The following GFRA2 variants were observed in gnomAD, a reference collection of about 807,000 sequenced individuals.
GFRA2 encodes GDNF family receptor alpha 2.
In GFRA2, 17 loss-of-function variants were observed where a neutral mutation model predicts 48.3. That is an observed-to-expected ratio of 0.35 (90% CI 0.24 to 0.53). The LOEUF is 0.53. Ranked by LOEUF, GFRA2 falls within the 20% of genes least tolerant of loss-of-function variation. The probability of loss-of-function intolerance (pLI) is 0.93; values close to 1 mark genes in which losing one functional copy is unlikely to be tolerated. For missense variants in GFRA2, 660 were observed against 637.3 expected, an observed-to-expected ratio of 1.04 and a Z score of -0.38; for synonymous variants, 305 against 257.2, an observed-to-expected ratio of 1.19 and a Z score of -1.78.
intron 7 of GFRA2, among the ~76,000 whole-genome samples, chr8:21,697,536 A>C (rs927245430): frequency 1.3e-5 from 2 of 151,828 alleles, no homozygotes; most frequent in Non-Finnish European, 2.9e-5. Context: ...TAGTGGCGGG[A>C]GGGGCAGAGA....
chr8:21,699,122 G>A (rs540483618), intron 7 of GFRA2, among the ~76,000 whole-genome samples: 1 of 152,322 alleles, frequency 6.6e-6, no homozygotes, highest in African/African-American at 2.4e-5. Context: ...GGCCCATGAG[G>A]CTTGTTAGCC....
chr8:21,776,788 G>T (rs1188594225), intron 2 of GFRA2, among the ~76,000 whole-genome samples: 1 of 151,904 alleles, frequency 6.6e-6, no homozygotes, highest in Non-Finnish European at 1.5e-5. Flanking sequence ...ATTATTTACG[G>T]CCCATATCTG....
intron 7 of GFRA2, among the ~76,000 whole-genome samples, chr8:21,700,095 G>A (rs1300162959): frequency 6.6e-6 from 1 of 152,150 alleles, no homozygotes; most frequent in Non-Finnish European, 1.5e-5. Flanking sequence ...GAGTGGACAA[G>A]GAGAGACGTC....
chr8:21,784,681 C>T (rs936234993), intron 1 of GFRA2, among the ~76,000 whole-genome samples: 4 of 152,304 alleles, frequency 2.6e-5, no homozygotes, highest in South Asian at 2.1e-4. Context: ...AAGGCTTCTT[C>T]GGGGCCCAGA....
intron 5 of GFRA2, 141 bp downstream of exon 5, chr8:21,705,791 C>A (rs1034056045): frequency 1.6e-6 from 1 of 612,812 alleles, no homozygotes; most frequent in African/African-American, 1.9e-5. Flanking sequence ...GGTTTCCCCT[C>A]GCAGCTCTCT....
chr8:21,741,518 T>A (rs1000078046), intron 4 of GFRA2, among the ~76,000 whole-genome samples: 1 of 152,098 alleles, frequency 6.6e-6, no homozygotes, highest in Non-Finnish European at 1.5e-5. Flanking sequence ...GCCTCCTCCA[T>A]CAGACTGTCA....
chr8:21,751,081 A>T (rs1318131313), intron 3 of GFRA2, 139 bp from the exon 4 acceptor site: 2 of 650,566 alleles, frequency 3.1e-6, no homozygotes, highest in Non-Finnish European at 5.4e-6. Flanking sequence ...CCCTTTGCGA[A>T]ATGGGGATCA....
chr8:21,754,151 C>A (rs1805434909), intron 3 of GFRA2, among the ~76,000 whole-genome samples: 1 of 152,198 alleles, frequency 6.6e-6, no homozygotes, highest in African/African-American at 2.4e-5. Flanking sequence ...TCACTATCTG[C>A]CATGGTATGT....
At position 21,778,938 on chromosome 8, in the gene GFRA2, C is replaced by T. The variant is rs988280685; in HGVS notation, c.355+3647G>A. On this transcript the variant is annotated intron_variant, in intron 2 of 8. Transcript: ENST00000524240. ...CTCAAGGCCAGGCACAAGCGGCCCACGCCTATCATCCCACCACTTTGGTAG... is the reference window on the plus strand; with the variant it reads ...CTCAAGGCCAGGCACAAGCGGCCCATGCCTATCATCCCACCACTTTGGTAG... Among the ~76,000 whole-genome samples the T allele has an allele frequency of 7.9e-5, 12 of 152,162 alleles. No individual in the cohort carries two copies. In the South Asian group the frequency reaches 1.5e-3, roughly 18 times the overall value.
At chr8:21,699,566 A>G (rs1395078151) in intron 7 of GFRA2, among the ~76,000 whole-genome samples, 1 of 152,188 alleles carries the variant, frequency 6.6e-6, no homozygotes, top group Admixed American at 6.5e-5. Flanking sequence ...GGCCATGGCC[A>G]GGAAAGCACC....
chr8:21,741,603 G>A (rs2117550782), intron 4 of GFRA2, among the ~76,000 whole-genome samples: 1 of 152,262 alleles, frequency 6.6e-6, no homozygotes, highest in African/African-American at 2.4e-5. Flanking sequence ...GCCTGGCACA[G>A]AGTGGGCACA....
upstream of GFRA2, chr8:21,788,981 C>T: frequency 9.1e-6 from 2 of 220,902 alleles, no homozygotes; most frequent in Non-Finnish European, 1.5e-5. Context: ...CGCGCCAGCG[C>T]CCCTCTCCTC....
intron 4 of GFRA2, among the ~76,000 whole-genome samples, chr8:21,746,653 A>T (rs773398853): frequency 5.9e-5 from 9 of 152,004 alleles, no homozygotes; most frequent in Non-Finnish European, 1.2e-4. Flanking sequence ...CACACCTCAG[A>T]AACTGTCAGC....
chr8:21,808,571 G>A (rs1037391076), intron 1 of GFRA2, among the ~76,000 whole-genome samples: 11 of 152,248 alleles, frequency 7.2e-5, no homozygotes, highest in South Asian at 2.1e-4. Flanking sequence ...TTTCTTCTCC[G>A]CAGCTGAGCC....
upstream of GFRA2, among the ~76,000 whole-genome samples, chr8:21,792,374 A>G (rs889787124): frequency 1.3e-5 from 2 of 152,146 alleles, no homozygotes; most frequent in Non-Finnish European, 2.9e-5. Context: ...TCCAGCTAAT[A>G]CTGTCAGGAG....
At chr8:21,742,185 T>C (rs961429942) in intron 4 of GFRA2, among the ~76,000 whole-genome samples, 2 of 152,134 alleles carry the variant, frequency 1.3e-5, no homozygotes, top group Non-Finnish European at 2.9e-5. Context: ...AAAATTCATA[T>C]GTTAAACCCC....
intron 1 of GFRA2, among the ~76,000 whole-genome samples, chr8:21,811,404 G>T (rs1028324915): frequency 3.9e-5 from 6 of 152,132 alleles, no homozygotes; most frequent in Admixed American, 2.0e-4. Flanking sequence ...ACTCGGGATG[G>T]GTTTTCCCAG....
At chr8:21,749,760 G>A (rs998857003) in intron 4 of GFRA2, among the ~76,000 whole-genome samples, 13 of 151,178 alleles carry the variant, frequency 8.6e-5, no homozygotes, top group African/African-American at 2.7e-4. Context: ...TCCTGGAGTC[G>A]GACGGTCCTA....
intron 2 of GFRA2, among the ~76,000 whole-genome samples, chr8:21,775,815 G>T (rs1806665807): frequency 6.6e-6 from 1 of 152,052 alleles, no homozygotes. Flanking sequence ...TGCCTTGGGG[G>T]CTCAGGAATG....
Sources: gnomAD v4.1 joint callset for allele counts (sites outside exome capture counted in the v4.1 genomes callset) on GRCh38, gnomAD v4.1.1 for gene constraint, MANE v1.5 for transcripts, NCBI Gene and HGNC (gene_info 2026-07-23, HGNC 2026-07-21) for gene names.